The following BCKDHB variants were observed in gnomAD, a reference collection of about 807,000 sequenced individuals.
BCKDHB encodes 2-oxoisovalerate dehydrogenase subunit beta, mitochondrial.
In BCKDHB, 41 loss-of-function variants were observed where a neutral mutation model predicts 48.5. The observed-to-expected ratio is 0.85, with a 90% CI of 0.66 to 1.10. The LOEUF is 1.10. Ranked by LOEUF, BCKDHB falls within the 50% of genes least tolerant of loss-of-function variation. BCKDHB has a pLI of 0.00. For missense variants in BCKDHB, 496 were observed against 494.2 expected (o/e 1.00, Z -0.03); for synonymous variants, 201 against 174.8 (o/e 1.15, Z -1.18).
chr6:80,400,911 G>T, the BCKDHB span, among the ~76,000 whole-genome samples: 1 of 151,968 alleles, frequency 6.6e-6, no homozygotes, highest in Non-Finnish European at 1.5e-5. Flanking sequence ...CATGTTCCTG[G>T]CAGCAACATG....
At chr6:80,419,549 T>A in the BCKDHB span, among the ~76,000 whole-genome samples, 1 of 152,198 alleles carries the variant, frequency 6.6e-6, no homozygotes, top group East Asian at 1.9e-4. Context: ...TCCCTGGCCA[T>A]GCTTTATTAC....
At chr6:80,424,809 C>G in the BCKDHB span, among the ~76,000 whole-genome samples, 1 of 152,096 alleles carries the variant, frequency 6.6e-6, no homozygotes, top group African/African-American at 2.4e-5. Context: ...GGTAATTTCT[C>G]AGGTTGACAG....
At chr6:80,231,635 T>C (rs1157005420) in intron 8 of BCKDHB, among the ~76,000 whole-genome samples, 1 of 152,154 alleles carries the variant, frequency 6.6e-6, no homozygotes, top group African/African-American at 2.4e-5. Flanking sequence ...CTTAGTGCTG[T>C]TGGAAGGATT....
the BCKDHB span, among the ~76,000 whole-genome samples, chr6:80,433,455 C>G: frequency 2.0e-5 from 3 of 152,292 alleles, no homozygotes; most frequent in South Asian, 6.2e-4. Flanking sequence ...TTTGTTTATA[C>G]TGTAAGGGGA....
the BCKDHB span, among the ~76,000 whole-genome samples, chr6:80,457,016 T>G: frequency 6.6e-6 from 1 of 152,214 alleles, no homozygotes; most frequent in East Asian, 1.9e-4. Context: ...TCAATTAGAC[T>G]TCTTCATCAT....
chr6:80,164,387 C>T (rs1302778464), intron 3 of BCKDHB, among the ~76,000 whole-genome samples: 1 of 152,162 alleles, frequency 6.6e-6, no homozygotes. Context: ...GGTACACATC[C>T]TCATTTATTT....
At chr6:80,219,737 G>A (rs1337146110) in intron 8 of BCKDHB, among the ~76,000 whole-genome samples, 2 of 152,278 alleles carry the variant, frequency 1.3e-5, no homozygotes, top group East Asian at 3.9e-4. Context: ...ACTTGTGTTA[G>A]GTAAAATGTT....
At chr6:80,410,298 G>A in the BCKDHB span, among the ~76,000 whole-genome samples, 1 of 152,140 alleles carries the variant, frequency 6.6e-6, no homozygotes, top group African/African-American at 2.4e-5. Context: ...TGCTTATCGG[G>A]TTTCTGCTGA....
chr6:80,281,004 TATC>T (rs1358330596), intron 9 of BCKDHB, among the ~76,000 whole-genome samples: 3 of 149,992 alleles, frequency 2.0e-5, no homozygotes, highest in Non-Finnish European at 4.4e-5. Context: ...AGATGGGGAA[TATC>T]ATTGAAGAAC....
rs1777478191 is a variant in BCKDHB at position 80,265,570 on chromosome 6, T to C, written c.952-7565T>C. Among the ~76,000 whole-genome samples, 4 of 152,060 alleles carry C rather than the reference T, an allele frequency of 2.6e-5. No homozygotes were observed. The South Asian group carries it at 8.3e-4, about 32-fold the overall frequency. On this transcript the variant is annotated intron_variant, in intron 8 of 9. Coordinates refer to ENST00000320393, the MANE Select transcript of BCKDHB (RefSeq NM_183050.4). ...GAAGAGGGAATGAGGAGTTATTGTT[T>C]AATGGCTACAGAGTTTTGCTAGGGA...
the BCKDHB span, among the ~76,000 whole-genome samples, chr6:80,454,629 T>G: frequency 6.6e-6 from 1 of 152,168 alleles, no homozygotes; most frequent in Non-Finnish European, 1.5e-5. Context: ...GAGACCTGGA[T>G]AGAGCTGAGT....
intron 3 of BCKDHB, among the ~76,000 whole-genome samples, chr6:80,149,587 A>G (rs538072177): frequency 1.8e-3 from 277 of 151,780 alleles, no homozygotes; most frequent in Non-Finnish European, 1.8e-3. Flanking sequence ...CCAAATGTCC[A>G]ACAATGATAG....
chr6:80,207,413 A>G (rs2047483761), intron 8 of BCKDHB, among the ~76,000 whole-genome samples: 1 of 151,952 alleles, frequency 6.6e-6, no homozygotes, highest in South Asian at 2.1e-4. Flanking sequence ...ATATCTAGCA[A>G]GTTAATAAGA....
intron 9 of BCKDHB, among the ~76,000 whole-genome samples, chr6:80,337,437 T>G (rs1769650728): frequency 6.6e-6 from 1 of 152,108 alleles, no homozygotes; most frequent in South Asian, 2.1e-4. Context: ...ATCTGCTGTT[T>G]TATTAATTTA....
rs535689855 is a variant in BCKDHB at position 80,200,020 on chromosome 6, C to T, written c.743-914C>T. ...CCTGGGAGGCAGAGGTTGCAGATCA[C>T]ACCACTGCACTCCAGCCTGGGTGAC... is the stretch of plus-strand genomic sequence containing the variant. On this transcript the variant is annotated intron_variant, in intron 6 of 9. Transcript: ENST00000320393. Among the ~76,000 whole-genome samples, 12 of 126,818 alleles carry T rather than the reference C, an allele frequency of 9.5e-5. No homozygotes were observed. The South Asian group carries it at 2.9e-3, about 31-fold the overall frequency. The allele number at this position is 126,818 out of a possible 152,430, so 83.2% of individuals were successfully genotyped here. A position where few individuals can be genotyped will look rare whatever the true frequency, so the allele number is the denominator to read the frequency against.
chr6:80,168,677 G>A (rs1009075807), intron 4 of BCKDHB, among the ~76,000 whole-genome samples, 198 bp from the exon 5 acceptor site: 1 of 139,564 alleles, frequency 7.2e-6, no homozygotes, highest in African/African-American at 2.7e-5. Context: ...GGGAGGGAAA[G>A]ACTTATTGTG....
At chr6:80,459,636 CATT>C in the BCKDHB span, among the ~76,000 whole-genome samples, 2 of 152,080 alleles carry the variant, frequency 1.3e-5, no homozygotes, top group African/African-American at 4.8e-5. Context: ...GTTTTTACCA[CATT>C]AATAATTTTT....
the BCKDHB span, among the ~76,000 whole-genome samples, chr6:80,440,138 G>A: frequency 6.6e-6 from 1 of 152,186 alleles, no homozygotes; most frequent in Non-Finnish European, 1.5e-5. Context: ...CTGGCAGCAG[G>A]ATGTTAGATG....
the BCKDHB span, among the ~76,000 whole-genome samples, chr6:80,389,995 C>T: frequency 6.6e-6 from 1 of 152,128 alleles, no homozygotes; most frequent in Non-Finnish European, 1.5e-5. Context: ...AGGAATGCTA[C>T]CACCAGGAGA....
Sources: allele counts gnomAD v4.1 joint callset (sites outside exome capture counted in the v4.1 genomes callset), GRCh38; gene constraint gnomAD v4.1.1; transcripts MANE v1.5; gene names NCBI Gene and HGNC (gene_info 2026-07-23, HGNC 2026-07-21).